The following FGF12 variants were observed in gnomAD, a reference collection of about 807,000 sequenced individuals.
FGF12 encodes fibroblast growth factor 12, also known as fibroblast growth factor 12B.
A neutral mutation model predicts 23.6 loss-of-function variants in FGF12; 14 were observed. That is an observed-to-expected ratio of 0.59 (90% confidence interval 0.39 to 0.93). FGF12 has a LOEUF of 0.93. Among genes scored for constraint, FGF12 ranks in the 40% least tolerant of loss-of-function variants. The probability of loss-of-function intolerance (pLI) is 0.00; values close to 1 mark genes in which losing one functional copy is unlikely to be tolerated. For missense variants in FGF12, 175 were observed against 217.8 expected (o/e 0.80, Z 1.24); for synonymous variants, 62 against 77.3 (o/e 0.80, Z 1.04).
chr3:192,305,641 A>C, intron 4 of FGF12, among the ~76,000 whole-genome samples: 1 of 140,082 alleles, frequency 7.1e-6, no homozygotes, highest in East Asian at 2.1e-4. Context: ...TTACTTTTCT[A>C]ATAAGGGAGA....
chr3:192,514,009 T>C lies in FGF12; in HGVS notation c.14-153471A>G, dbSNP rs1724575536. On this transcript the variant is annotated intron_variant, in intron 2 of 5. Transcript: ENST00000445105. The surrounding 1 kb of genome is among the most constrained non-coding windows in gnomAD (Gnocchi z 4.9). ...TGATATTAGTTTGGTGGGGTTTTTT[T>C]CATTCAATTTTTAATGGCCTTTCTC... 6.6e-6 allele frequency among the ~76,000 whole-genome samples: 1 copy of C among 152,200 alleles called. No homozygotes were observed. Among genetic ancestry groups the C allele is most frequent in the East Asian group, 1.9e-4 (1 of 5,182 alleles).
chr3:192,716,900 G>C (rs6764837), intron 2 of FGF12, among the ~76,000 whole-genome samples: 1 of 152,096 alleles, frequency 6.6e-6, no homozygotes, highest in South Asian at 2.1e-4. Context: ...AGCTGCCCAG[G>C]TAAACAGAAC....
chr3:192,326,716 T>G (rs1380078038), intron 4 of FGF12, among the ~76,000 whole-genome samples: 1 of 152,188 alleles, frequency 6.6e-6, no homozygotes, highest in Admixed American at 6.5e-5. Context: ...GAATTATGCT[T>G]TTTATATTAT....
At chr3:192,446,092 G>A (rs1576987315) in intron 2 of FGF12, among the ~76,000 whole-genome samples, 1 of 152,144 alleles carries the variant, frequency 6.6e-6, no homozygotes, top group Non-Finnish European at 1.5e-5. Context: ...TTCCAGACAT[G>A]GGAGACATCT....
intron 2 of FGF12, among the ~76,000 whole-genome samples, chr3:192,651,753 CAT>C (rs1445471622): frequency 6.6e-6 from 1 of 152,140 alleles, no homozygotes; most frequent in African/African-American, 2.4e-5. Context: ...CCAAAACACT[CAT>C]GTGTAATGCC....
chr3:192,620,207 G>A (rs1714919494), intron 2 of FGF12, among the ~76,000 whole-genome samples: 1 of 151,794 alleles, frequency 6.6e-6, no homozygotes, highest in African/African-American at 2.4e-5. Flanking sequence ...AAAAAAATTC[G>A]TGATTCAGTT....
chr3:192,405,596 G>C (rs1043276556), intron 2 of FGF12, among the ~76,000 whole-genome samples: 1 of 144,986 alleles, frequency 6.9e-6, no homozygotes, highest in African/African-American at 2.9e-5. Context: ...GAAGGCTAGT[G>C]GTTTCAAGAA....
intron 3 of FGF12, among the ~76,000 whole-genome samples, chr3:192,339,578 GT>G (rs1717595787): frequency 6.6e-6 from 1 of 152,116 alleles, no homozygotes; most frequent in Non-Finnish European, 1.5e-5. Context: ...CTAGGCTGGA[GT>G]TTGTCCTCTT....
At chr3:192,300,795 G>T (rs9834922) in intron 4 of FGF12, among the ~76,000 whole-genome samples, 25,243 of 151,888 alleles carry the variant, frequency 0.17, 2,716 homozygotes, top group African/African-American at 0.32. Context: ...GGGGGGCTGA[G>T]CACTTGCAAC....
At chr3:192,343,652 T>C (rs958360963) in intron 3 of FGF12, among the ~76,000 whole-genome samples, 5 of 152,154 alleles carry the variant, frequency 3.3e-5, no homozygotes, top group Non-Finnish European at 7.4e-5. Context: ...AAAGTGGTTA[T>C]ATAAATTATG....
chr3:192,201,261 T>C (rs1327316758), intron 4 of FGF12, among the ~76,000 whole-genome samples: 1 of 152,190 alleles, frequency 6.6e-6, no homozygotes, highest in African/African-American at 2.4e-5. Flanking sequence ...TAAAGTCAAA[T>C]TTTGACACAT....
chr3:192,221,344 G>A (rs2108573105), intron 4 of FGF12, among the ~76,000 whole-genome samples: 1 of 152,240 alleles, frequency 6.6e-6, no homozygotes, highest in Non-Finnish European at 1.5e-5. Context: ...CCATTAATCT[G>A]ACAGATCAGC....
intron 2 of FGF12, among the ~76,000 whole-genome samples, chr3:192,511,104 C>G (rs1215651313): frequency 6.6e-6 from 1 of 152,056 alleles, no homozygotes; most frequent in East Asian, 1.9e-4. Context: ...CTTCAGGCTA[C>G]CAGCCTGAGA....
rs1721116428 is a variant in FGF12 at position 192,409,581 on chromosome 3, C to T, written c.14-49043G>A. Among the ~76,000 whole-genome samples the T allele has an allele frequency of 6.6e-6, 1 of 152,202 alleles. No homozygotes were observed. The highest frequency in any genetic ancestry group is 1.5e-5 in the Non-Finnish European group (1 of 68,030). On this transcript the variant is annotated intron_variant, in intron 2 of 5. Transcript: ENST00000445105. The surrounding 1 kb of genome is among the most constrained non-coding windows in gnomAD (Gnocchi z 4.8). ...TCACTCAGTCCCGCGCCGCCCATCC[C>T]GGCCGAGGAAGGAAGTGACCCGCGC... is the stretch of plus-strand genomic sequence containing the variant.
At chr3:192,658,004 T>A (rs938646578) in intron 2 of FGF12, among the ~76,000 whole-genome samples, 2 of 151,884 alleles carry the variant, frequency 1.3e-5, no homozygotes, top group South Asian at 4.1e-4. Context: ...CTATCATTGC[T>A]CTTTTGGAAA....
chr3:192,365,320 T>C (rs1718928725), intron 2 of FGF12, among the ~76,000 whole-genome samples: 1 of 148,492 alleles, frequency 6.7e-6, no homozygotes, highest in East Asian at 2.0e-4. Context: ...GAAAAAGTCA[T>C]AGATAAAAGG....
chr3:192,156,310 A>C (rs1458155122), intron 5 of FGF12, among the ~76,000 whole-genome samples: 1 of 152,216 alleles, frequency 6.6e-6, no homozygotes, highest in Non-Finnish European at 1.5e-5. Context: ...AATTGGAAGC[A>C]AATCCTCTAA....
chr3:192,186,396 T>C (rs1048930028), intron 4 of FGF12, among the ~76,000 whole-genome samples: 7 of 152,244 alleles, frequency 4.6e-5, no homozygotes, highest in Admixed American at 6.5e-5. Flanking sequence ...ACAAATGCTG[T>C]TTGATAAATA....
chr3:192,540,472 T>C lies in FGF12; in HGVS notation c.14-179934A>G, dbSNP rs141913928. 2.4e-4 allele frequency among the ~76,000 whole-genome samples: 37 copies of C among 152,322 alleles called. No individual in the cohort carries two copies. The East Asian group carries it at 6.9e-3, about 29-fold the overall frequency. On this transcript the variant is annotated intron_variant, in intron 2 of 5. Transcript: ENST00000445105. ...TTCAAAGTTCCTCTTGTTAATGATTTCTAGTTTTATTCCACTGTGGTCACA... is the reference window on the plus strand; with the variant it reads ...TTCAAAGTTCCTCTTGTTAATGATTCCTAGTTTTATTCCACTGTGGTCACA...
Sources: gnomAD v4.1 joint callset for allele counts (sites outside exome capture counted in the v4.1 genomes callset) on GRCh38, gnomAD v4.1.1 for gene constraint, Gnocchi (gnomAD v3.1) non-coding constraint, MANE v1.5 for transcripts, NCBI Gene and HGNC (gene_info 2026-07-23, HGNC 2026-07-21) for gene names.